ETV6: variants seen among roughly 807,000 people sequenced by gnomAD.
ETV6 encodes transcription factor ETV6.
A neutral mutation model predicts 51.1 loss-of-function variants in ETV6; 16 were observed. That is an observed-to-expected ratio of 0.31 (90% CI 0.21 to 0.48). ETV6 has a LOEUF of 0.48. ETV6 is among the 20% of genes least tolerant of loss of function. The pLI is 0.99. For missense variants in ETV6, 458 were observed against 594.8 expected, an observed-to-expected ratio of 0.77 and a Z score of 2.39; for synonymous variants, 240 against 224.1, an observed-to-expected ratio of 1.07 and a Z score of -0.64.
chr12:11,742,970 C>A (rs1029643231), intron 1 of ETV6, among the ~76,000 whole-genome samples: 1 of 152,034 alleles, frequency 6.6e-6, no homozygotes, highest in African/African-American at 2.4e-5. Context: ...CCATGCCTGG[C>A]TAATTTTTCA....
intron 2 of ETV6, among the ~76,000 whole-genome samples, chr12:11,790,235 C>T (rs1047404828): frequency 6.6e-6 from 1 of 151,558 alleles, no homozygotes; most frequent in African/African-American, 2.4e-5. Context: ...TTTTTCTTTC[C>T]CTGAGTTGTC....
At chr12:11,890,419 A>C (rs1452525360) in intron 7 of ETV6, among the ~76,000 whole-genome samples, 1 of 147,622 alleles carries the variant, frequency 6.8e-6, no homozygotes, top group African/African-American at 2.5e-5. Flanking sequence ...CGTCACAGAC[A>C]GCCTAGACTT....
chr12:11,834,794 G>T (rs74812378), intron 2 of ETV6, among the ~76,000 whole-genome samples: 3 of 152,294 alleles, frequency 2.0e-5, no homozygotes, highest in South Asian at 4.1e-4. Flanking sequence ...GTATTCTTTG[G>T]TTTTTTGGAT....
At chr12:11,786,905 C>CT (rs1205249043) in intron 2 of ETV6, among the ~76,000 whole-genome samples, 1 of 152,114 alleles carries the variant, frequency 6.6e-6, no homozygotes, top group African/African-American at 2.4e-5. Context: ...AAATCCTTGG[C>CT]TTTTTTTCTT....
intron 1 of ETV6, among the ~76,000 whole-genome samples, chr12:11,711,610 G>A (rs1369965706): frequency 6.6e-6 from 1 of 152,164 alleles, no homozygotes; most frequent in African/African-American, 2.4e-5. Context: ...ATTGTTTTCT[G>A]CGGGAGATCT....
chr12:11,870,018 A>T, intron 5 of ETV6, 49 bp downstream of exon 5: 1 of 1,544,208 alleles, frequency 6.5e-7, no homozygotes, highest in Non-Finnish European at 8.7e-7. Context: ...GACCTGACAA[A>T]GTCCCACTCT....
At chr12:11,823,668 A>G (rs1591700223) in intron 2 of ETV6, among the ~76,000 whole-genome samples, 3 of 151,934 alleles carry the variant, frequency 2.0e-5, no homozygotes, top group Admixed American at 1.3e-4. Flanking sequence ...GGGTTTCACT[A>G]TGTTGGCCAG....
chr12:11,729,629 A>C (rs1565501911), intron 1 of ETV6, among the ~76,000 whole-genome samples: 1 of 152,174 alleles, frequency 6.6e-6, no homozygotes, highest in African/African-American at 2.4e-5. Flanking sequence ...TCTCAGTTTG[A>C]CTGACTCATA....
chr12:11,666,035 C>T (rs1000085870), intron 1 of ETV6, among the ~76,000 whole-genome samples: 19 of 152,050 alleles, frequency 1.2e-4, no homozygotes, highest in African/African-American at 4.6e-4. Context: ...GGAGAGAGAA[C>T]CAGTGGCTGT....
chr12:11,871,069 T>C (rs1162174625), intron 5 of ETV6, among the ~76,000 whole-genome samples: 1 of 151,982 alleles, frequency 6.6e-6, no homozygotes, highest in Non-Finnish European at 1.5e-5. Context: ...GGGTGAGAAA[T>C]GCCCCCTCCT....
chr12:11,712,544 C>T (rs892381830), intron 1 of ETV6, among the ~76,000 whole-genome samples: 5 of 152,166 alleles, frequency 3.3e-5, no homozygotes, highest in Admixed American at 6.5e-5. Context: ...AGATCCACAT[C>T]GCTGTTGATG....
intron 4 of ETV6, among the ~76,000 whole-genome samples, chr12:11,863,580 T>C (rs774839805): frequency 5.3e-5 from 8 of 152,250 alleles, no homozygotes; most frequent in African/African-American, 9.6e-5. Flanking sequence ...GTGGATAATT[T>C]CCCAGTTTTC....
chr12:11,711,806 C>T (rs911672797), intron 1 of ETV6, among the ~76,000 whole-genome samples: 2 of 152,222 alleles, frequency 1.3e-5, no homozygotes, highest in Non-Finnish European at 2.9e-5. Flanking sequence ...TCTTCAACAT[C>T]ATTATTTCTG....
At chr12:11,734,025 A>G (rs1865654456) in intron 1 of ETV6, among the ~76,000 whole-genome samples, 1 of 152,214 alleles carries the variant, frequency 6.6e-6, no homozygotes, top group Non-Finnish European at 1.5e-5. Flanking sequence ...TATCTATCCA[A>G]TCTAGATAGA....
At chr12:11,708,974 G>C (rs546672729) in intron 1 of ETV6, among the ~76,000 whole-genome samples, 127 of 152,314 alleles carry the variant, frequency 8.3e-4, no homozygotes, top group African/African-American at 3.0e-3. Context: ...CATGAATGGA[G>C]AGACAGTTGA....
chr12:11,827,601 A>G (rs560725598), intron 2 of ETV6, among the ~76,000 whole-genome samples: 1 of 152,078 alleles, frequency 6.6e-6, no homozygotes, highest in South Asian at 2.1e-4. Flanking sequence ...TTCAGTGATT[A>G]TCAGGACTGT....
At chr12:11,793,933 T>C (rs1945640833) in intron 2 of ETV6, among the ~76,000 whole-genome samples, 1 of 152,178 alleles carries the variant, frequency 6.6e-6, no homozygotes, top group Non-Finnish European at 1.5e-5. Flanking sequence ...CAAAAAGATA[T>C]GAATGCTGAG....
intron 1 of ETV6, among the ~76,000 whole-genome samples, chr12:11,672,501 C>T (rs973448556): frequency 3.9e-5 from 6 of 152,166 alleles, no homozygotes; most frequent in African/African-American, 7.2e-5. Context: ...AACACAACGA[C>T]GTAGCAATTA....
intron 1 of ETV6, among the ~76,000 whole-genome samples, chr12:11,689,972 G>A (rs985340001): frequency 1.3e-5 from 2 of 152,016 alleles, no homozygotes; most frequent in African/African-American, 4.8e-5. Flanking sequence ...AGATTCACAA[G>A]GGTGTTCGGT....
Sources: gnomAD v4.1 joint callset for allele counts (sites outside exome capture counted in the v4.1 genomes callset) on GRCh38, gnomAD v4.1.1 for gene constraint, MANE v1.5 for transcripts, NCBI Gene and HGNC (gene_info 2026-07-23, HGNC 2026-07-21) for gene names.